Variants in LOXL3 observed in about 807,000 individuals in gnomAD.
The protein encoded by LOXL3 is lysyl oxidase like 3, also known as lysyl oxidase homolog 3.
Under a neutral mutation model 91.8 loss-of-function variants are expected in LOXL3, and 60 were observed. The observed-to-expected ratio is 0.65, with a 90% CI of 0.53 to 0.81. The LOEUF is 0.81. Among genes scored for constraint, LOXL3 ranks in the 30% least tolerant of loss-of-function variants. The probability of loss-of-function intolerance (pLI) is 0.00; values close to 1 mark genes in which losing one functional copy is unlikely to be tolerated. For missense variants in LOXL3, 874 were observed against 1,000.4 expected, an observed-to-expected ratio of 0.87 and a Z score of 1.70; for synonymous variants, 355 against 387.6, an observed-to-expected ratio of 0.92 and a Z score of 0.99.
intron 4 of LOXL3, among the ~76,000 whole-genome samples, chr2:74,540,664 C>CA (rs1676274055): frequency 1.4e-5 from 2 of 138,658 alleles, no homozygotes; most frequent in African/African-American, 2.6e-5. Context: ...ATAATTTTTC[C>CA]TTTTTTTTTT....
intron 10 of LOXL3, 44 bp from the exon 11 acceptor site, chr2:74,534,475 AG>A: frequency 6.2e-7 from 1 of 1,613,504 alleles, no homozygotes; most frequent in Non-Finnish European, 8.5e-7. Flanking sequence ...TGCCCCCAGA[AG>A]GTTTGCCCCA....
intron 3 of LOXL3, 172 bp downstream of exon 3, chr2:74,550,013 A>C: frequency 1.0e-6 from 1 of 985,410 alleles, no homozygotes; most frequent in Non-Finnish European, 1.2e-6. Flanking sequence ...TGAATGCTAA[A>C]AACCTGTTGG....
In LOXL3 at chr2:74,535,658, TC is replaced by T; in HGVS notation, c.1345del (p.Asp449ThrfsTer34). 1.9e-6 allele frequency: 3 copies of T among 1,613,582 alleles called. No homozygotes were observed. The highest frequency in any genetic ancestry group is 1.7e-6 in the Non-Finnish European group (2 of 1,179,870). On this transcript the variant is annotated frameshift_variant, in exon 8 of 14. Coordinates refer to ENST00000264094, the MANE Select transcript of LOXL3 (RefSeq NM_032603.5). LOFTEE classifies it high-confidence loss of function. This position sits in a 1 kb window ranked among gnomAD's most constrained non-coding sequence, Gnocchi z 4.2. ...PLRWGLICGD[D>X]WGTLEAMVAC... ...CACCATGGCCTCCAGGGTCCCCCAG[TC>T]ATCCCCACAGATGAGGCCCCAGCGA...
In LOXL3 at chr2:74,532,601, T is replaced by C; in HGVS notation, c.*1005A>G. 1.2e-6 allele frequency: 2 copies of C among 1,608,808 alleles called. No individual in the cohort carries two copies. The highest frequency in any genetic ancestry group is 1.7e-6 in the Non-Finnish European group (2 of 1,176,198). ...GAATGCCTGGGTTTGGCTAATAGGG[T>C]GATCTGTGTACTTTCAGCATCCTTG... On this transcript the variant is annotated 3_prime_UTR_variant, in exon 14 of 14. Coordinates refer to ENST00000264094, the MANE Select transcript of LOXL3 (RefSeq NM_032603.5).
Position 74,533,932 on chromosome 2 carries a change from C to G in LOXL3, c.2138G>C (p.Cys713Ser). 1 of 1,614,218 alleles carries G rather than the reference C, an allele frequency of 6.2e-7. No homozygotes were observed. Residue 713 changes from cysteine (C) to serine (S), a missense_variant, in exon 13 of 14, where the codon TGT (cysteine) becomes TCT (serine). Transcript: ENST00000264094. ...ESDFTNNAMK[C>S]NCKYDGHRIW... ...TCTATGTCCATCATATTTGCAGTTA[C>G]ATTTCATTGCATTGTTGGTAAAGTC... is the stretch of plus-strand genomic sequence containing the variant.
intron 4 of LOXL3, among the ~76,000 whole-genome samples, chr2:74,542,850 C>T (rs1051690016): frequency 7.2e-5 from 11 of 152,114 alleles, no homozygotes; most frequent in Non-Finnish European, 1.6e-4. Context: ...GTCTCAAACT[C>T]CTGATCTCAG....
chr2:74,538,745 T>TGG (rs1430243210), intron 4 of LOXL3, among the ~76,000 whole-genome samples: 1 of 152,182 alleles, frequency 6.6e-6, no homozygotes, highest in Non-Finnish European at 1.5e-5. Context: ...GCATTTGATT[T>TGG]GGGAACACTG....
upstream of LOXL3, chr2:74,554,492 T>C: frequency 1.8e-6 from 1 of 549,236 alleles, no homozygotes; most frequent in South Asian, 2.2e-5. The surrounding 1 kb of genome is among the most constrained non-coding windows in gnomAD (Gnocchi z 4.9). Flanking sequence ...GCCAGGGCCC[T>C]CGCGCCAAAA....
At chr2:74,552,297 A>C in intron 2 of LOXL3, 25 bp downstream of exon 2, 2 of 1,578,552 alleles carry the variant, frequency 1.3e-6, no homozygotes, top group Non-Finnish European at 1.7e-6. Context: ...GGAAATATCT[A>C]GGATATGCCT....
In LOXL3 at chr2:74,550,300, A is replaced by C; in HGVS notation, c.362T>G (p.Val121Gly). 6.2e-7 allele frequency: 1 copy of C among 1,614,154 alleles called. No individual in the cohort carries two copies. The highest frequency in any genetic ancestry group is 8.5e-7 in the Non-Finnish European group (1 of 1,180,028). The change falls in exon 3 of 14, where the codon GTG becomes GGG. Residue 121 changes from valine (V) to glycine (G), a missense_variant. Physicochemically the swap from Val to Gly is moderately radical, Grantham distance 109. Coordinates refer to ENST00000264094, the MANE Select transcript of LOXL3 (RefSeq NM_032603.5). ...CCAGCCCCGGGAGGCACATTCAGTC[A>C]CACTCTGCTCGGTCCCACTGCAGCT... is the stretch of plus-strand genomic sequence containing the variant. ...NLSCSGTEQSVTECASRGWGN... is the reference protein window; with the variant it reads ...NLSCSGTEQSGTECASRGWGN...
Position 74,535,864 on chromosome 2 carries a change from T to C in LOXL3, c.1249-109A>G. ...CTCAGGCACATAATGGGCTAGCAAGTGATGGGTCAGGTGGGAGCTGCAGGA... is the reference window on the plus strand; with the variant it reads ...CTCAGGCACATAATGGGCTAGCAAGCGATGGGTCAGGTGGGAGCTGCAGGA... On this transcript the variant is annotated intron_variant, in intron 7 of 13. Coordinates refer to ENST00000264094, the MANE Select transcript of LOXL3 (RefSeq NM_032603.5). The surrounding 1 kb of genome is among the most constrained non-coding windows in gnomAD (Gnocchi z 4.2). 1 of 1,479,234 alleles carries C rather than the reference T, an allele frequency of 6.8e-7. No individual in the cohort carries two copies. The highest frequency in any genetic ancestry group is 9.0e-7 in the Non-Finnish European group (1 of 1,109,510). The allele number at this position is 1,479,234 out of a possible 1,614,324, so 91.6% of individuals were successfully genotyped here.
Position 74,552,576 on chromosome 2 carries a change from C to T in LOXL3, c.59G>A (p.Cys20Tyr), listed in dbSNP as rs1677086974. 3 of 1,601,524 alleles carry T rather than the reference C, an allele frequency of 1.9e-6. No individual in the cohort carries two copies. The highest frequency in any genetic ancestry group is 2.2e-5 in the South Asian group (2 of 90,374). Residue 20 changes from cysteine (C) to tyrosine (Y), a missense_variant, in exon 2 of 14, where the codon TGC (cysteine) becomes TAC (tyrosine). By Grantham distance (194) the Cys-to-Tyr change is radical. Coordinates refer to ENST00000264094, the MANE Select transcript of LOXL3 (RefSeq NM_032603.5). The stretch of plus-strand genomic sequence containing the variant: ...GGACGGAGACCCCAAGCACGAACTG[C>T]ACAGCAGGCACAGCAGCAGCCCCCA... ...SPWGLLLCLL[C>Y]SSCLGSPSPS...
rs908219548 is a variant in LOXL3 at position 74,532,261 on chromosome 2, C to A, written c.*1345G>T. Among the ~76,000 whole-genome samples, 1 of 152,200 alleles carries A rather than the reference C, an allele frequency of 6.6e-6. No homozygotes were observed. The highest frequency in any genetic ancestry group is 1.5e-5 in the Non-Finnish European group (1 of 68,038). ...TATGAATACTCAGCCAACCTGATTT[C>A]CTACTCCCATGTTTTTTATTTATGC... On this transcript the variant is annotated 3_prime_UTR_variant, in exon 14 of 14. Coordinates refer to ENST00000264094, the MANE Select transcript of LOXL3 (RefSeq NM_032603.5).
chr2:74,541,742 C>A (rs1474696567), intron 4 of LOXL3, among the ~76,000 whole-genome samples: 2 of 151,586 alleles, frequency 1.3e-5, no homozygotes, highest in Non-Finnish European at 2.9e-5. Context: ...TATTTAAGGA[C>A]CTTATATCAA....
chr2:74,543,899 TCAAAAAAA>T, intron 4 of LOXL3, among the ~76,000 whole-genome samples: 1 of 49,338 alleles, frequency 2.0e-5, no homozygotes, highest in African/African-American at 1.2e-4. Context: ...AGGCTCTGTC[TCAAAAAAA>T]AAAAAAAAAA....
upstream of LOXL3, chr2:74,554,939 C>T (rs1677311328): frequency 6.0e-6 from 9 of 1,504,084 alleles, no homozygotes; most frequent in Non-Finnish European, 8.2e-6. The surrounding 1 kb of genome is among the most constrained non-coding windows in gnomAD (Gnocchi z 4.9). Context: ...GTGACTTTCC[C>T]GTGAAGTTGC....
chr2:74,544,070 G>A (rs1471965839), intron 4 of LOXL3, among the ~76,000 whole-genome samples: 4 of 151,806 alleles, frequency 2.6e-5, no homozygotes, highest in African/African-American at 7.3e-5. Flanking sequence ...TTGGGAGGCC[G>A]AGGTAGGCGG....
intron 2 of LOXL3, among the ~76,000 whole-genome samples, chr2:74,551,768 A>C (rs1677028690): frequency 1.3e-5 from 2 of 152,276 alleles, no homozygotes; most frequent in Admixed American, 6.5e-5. Context: ...CTGTGGGTTC[A>C]TACCATGGGC....
At chr2:74,542,527 C>CACACAA (rs2104417266) in intron 4 of LOXL3, among the ~76,000 whole-genome samples, 1 of 152,134 alleles carries the variant, frequency 6.6e-6, no homozygotes, top group Non-Finnish European at 1.5e-5. Context: ...CATGCACACA[C>CACACAA]ACACACACAC....
Sources: allele counts gnomAD v4.1 joint callset (sites outside exome capture counted in the v4.1 genomes callset), GRCh38; gene constraint gnomAD v4.1.1; non-coding constraint Gnocchi (gnomAD v3.1); transcripts MANE v1.5; gene names NCBI Gene and HGNC (gene_info 2026-07-23, HGNC 2026-07-21).